LRRC4C: variants seen among roughly 807,000 people sequenced by gnomAD.
The protein encoded by LRRC4C is leucine-rich repeat-containing protein 4C.
LRRC4C carries 5 observed loss-of-function variants against 33.6 expected under a neutral mutation model. That is an observed-to-expected ratio of 0.15 (90% CI 0.08 to 0.31). The LOEUF is 0.31. Ranked by LOEUF, LRRC4C falls within the 10% of genes least tolerant of loss-of-function variation. LRRC4C has a pLI of 1.00. For synonymous variants in LRRC4C, 329 were observed against 302.0 expected, an observed-to-expected ratio of 1.09 and a Z score of -0.93; for missense variants, 560 against 796.7, an observed-to-expected ratio of 0.70 and a Z score of 3.58.
intron 1 of LRRC4C, among the ~76,000 whole-genome samples, chr11:41,269,324 C>T (rs574871802): frequency 3.8e-4 from 58 of 151,980 alleles, no homozygotes; most frequent in African/African-American, 1.4e-3. Context: ...CCTTTAGGTG[C>T]TTTGGTTCTT....
At chr11:40,935,334 G>A (rs1311014228) in intron 1 of LRRC4C, among the ~76,000 whole-genome samples, 1 of 152,080 alleles carries the variant, frequency 6.6e-6, no homozygotes, top group Non-Finnish European at 1.5e-5. Context: ...GGAAAATCTT[G>A]TGTCTTTATT....
chr11:40,343,500 CCTT>C (rs765851978), intron 3 of LRRC4C, among the ~76,000 whole-genome samples: 8 of 151,860 alleles, frequency 5.3e-5, no homozygotes, highest in Non-Finnish European at 1.0e-4. Flanking sequence ...TATTTCTTCT[CCTT>C]CTTCCCAACT....
intron 3 of LRRC4C, among the ~76,000 whole-genome samples, chr11:40,580,511 C>A (rs563943325): frequency 6.6e-6 from 1 of 152,164 alleles, no homozygotes. Flanking sequence ...ACCATATCAG[C>A]TACTGACCTT....
In LRRC4C at chr11:40,939,775, A is replaced by G. The variant is rs544169863; in HGVS notation, c.-495-6052T>C. Among the ~76,000 whole-genome samples the G allele has an allele frequency of 3.3e-5, 5 of 152,326 alleles. No individual in the cohort carries two copies. The East Asian group carries it at 7.7e-4, about 24-fold the overall frequency. On this transcript the variant is annotated intron_variant, in intron 1 of 6. Coordinates refer to ENST00000528697, the MANE Select transcript of LRRC4C (RefSeq NM_001258419.2). The stretch of plus-strand genomic sequence containing the variant: ...ATCTTCCTGAGTAAATGTTTCCAGT[A>G]TACAGTGTGTTGCAGAAAATAATTT...
chr11:40,417,342 T>A (rs1334903371), intron 3 of LRRC4C, among the ~76,000 whole-genome samples: 1 of 151,840 alleles, frequency 6.6e-6, no homozygotes, highest in African/African-American at 2.4e-5. Context: ...TTTATTTATT[T>A]CTTTTCTGAG....
intron 3 of LRRC4C, among the ~76,000 whole-genome samples, chr11:40,540,880 G>A (rs138455623): frequency 7.9e-5 from 12 of 152,126 alleles, no homozygotes; most frequent in African/African-American, 2.2e-4. Flanking sequence ...TAGAAGCCAC[G>A]TATTAAATTT....
chr11:41,048,511 C>G (rs997334367), intron 1 of LRRC4C, among the ~76,000 whole-genome samples: 2 of 152,070 alleles, frequency 1.3e-5, no homozygotes, highest in African/African-American at 4.8e-5. Context: ...GATCCACCCT[C>G]CTCGGTCTCC....
intron 1 of LRRC4C, among the ~76,000 whole-genome samples, chr11:40,989,357 A>G (rs531053738): frequency 6.6e-6 from 1 of 152,146 alleles, no homozygotes; most frequent in Non-Finnish European, 1.5e-5. Context: ...ATCCTCCATG[A>G]AGTAGGTGCA....
chr11:40,288,735 A>C (rs541153633), intron 4 of LRRC4C, among the ~76,000 whole-genome samples: 1 of 152,332 alleles, frequency 6.6e-6, no homozygotes, highest in South Asian at 2.1e-4. Flanking sequence ...TTTAATGAAC[A>C]CAGCATTCAT....
intron 3 of LRRC4C, among the ~76,000 whole-genome samples, chr11:40,480,778 AAAC>A (rs1220924105): frequency 6.6e-6 from 1 of 152,142 alleles, no homozygotes; most frequent in African/African-American, 2.4e-5. Context: ...TAGCCATTTA[AAAC>A]AACATGGATG....
intron 5 of LRRC4C, among the ~76,000 whole-genome samples, chr11:40,231,403 G>T (rs1179240714): frequency 6.6e-6 from 1 of 151,980 alleles, no homozygotes; most frequent in African/African-American, 2.4e-5. Flanking sequence ...ATAGTGTATA[G>T]ATATCCATAT....
intron 4 of LRRC4C, among the ~76,000 whole-genome samples, chr11:40,297,397 A>C (rs1011294637): frequency 1.3e-5 from 2 of 152,210 alleles, no homozygotes; most frequent in Admixed American, 6.5e-5. Flanking sequence ...TCATTAAAAC[A>C]ACTTATTTTT....
intron 2 of LRRC4C, among the ~76,000 whole-genome samples, chr11:40,747,330 C>A (rs1309708778): frequency 6.6e-6 from 1 of 152,160 alleles, no homozygotes; most frequent in Non-Finnish European, 1.5e-5. Context: ...ACAGAGGCTA[C>A]ACTATGGCAG....
At chr11:40,619,447 A>G (rs1358199999) in intron 3 of LRRC4C, among the ~76,000 whole-genome samples, 1 of 151,752 alleles carries the variant, frequency 6.6e-6, no homozygotes, top group East Asian at 1.9e-4. Context: ...CACAAAAACT[A>G]AAAAGAAATA....
At chr11:40,744,794 G>A (rs147329809) in intron 2 of LRRC4C, among the ~76,000 whole-genome samples, 21 of 152,178 alleles carry the variant, frequency 1.4e-4, no homozygotes, top group African/African-American at 5.1e-4. Flanking sequence ...CAAAGTCCAT[G>A]TTCTTAACCA....
intron 2 of LRRC4C, 36 bp downstream of exon 2, chr11:40,933,599 T>A (rs1483460880): frequency 6.6e-6 from 1 of 152,010 alleles, no homozygotes; most frequent in Non-Finnish European, 1.5e-5. Context: ...AACATTTCTT[T>A]CTACTTTTGT....
At chr11:40,871,299 A>G (rs555638751) in intron 2 of LRRC4C, among the ~76,000 whole-genome samples, 15 of 152,100 alleles carry the variant, frequency 9.9e-5, no homozygotes, top group African/African-American at 3.4e-4. Flanking sequence ...TGTGACCCAC[A>G]CCGTATTCGT....
intron 3 of LRRC4C, among the ~76,000 whole-genome samples, chr11:40,444,435 C>A (rs1456913792): frequency 6.7e-6 from 1 of 149,272 alleles, no homozygotes; most frequent in African/African-American, 2.5e-5. Context: ...TAGAATTATA[C>A]AAATTGGGAT....
At chr11:40,578,277 A>C (rs1958309949) in intron 3 of LRRC4C, among the ~76,000 whole-genome samples, 1 of 150,510 alleles carries the variant, frequency 6.6e-6, no homozygotes, top group Non-Finnish European at 1.5e-5. Flanking sequence ...GGTGAGCCCT[A>C]ACACGCAGGG....
Sources: allele counts gnomAD v4.1 joint callset (sites outside exome capture counted in the v4.1 genomes callset), GRCh38; gene constraint gnomAD v4.1.1; transcripts MANE v1.5; gene names NCBI Gene and HGNC (gene_info 2026-07-23, HGNC 2026-07-21).